The following LOXL1 variants were observed in gnomAD, a reference collection of about 807,000 sequenced individuals.
LOXL1 encodes lysyl oxidase homolog 1.
A neutral mutation model predicts 62.2 loss-of-function variants in LOXL1; 31 were observed. That is an observed-to-expected ratio of 0.50 (90% confidence interval 0.37 to 0.67). The LOEUF is 0.67. Among genes scored for constraint, LOXL1 ranks in the 30% least tolerant of loss-of-function variants. The pLI is 0.00. For synonymous variants in LOXL1, 403 were observed against 384.4 expected, an observed-to-expected ratio of 1.05 and a Z score of -0.56; for missense variants, 775 against 843.4, an observed-to-expected ratio of 0.92 and a Z score of 1.00.
chr15:73,929,298 T>A (rs1550439), intron 1 of LOXL1, among the ~76,000 whole-genome samples: 12,914 of 152,272 alleles, frequency 0.085, 1,009 homozygotes, highest in East Asian at 0.24. Flanking sequence ...GAGGTTGCTG[T>A]GCCTGGCCCA....
At chr15:73,941,460 C>T (rs1383375835) in intron 1 of LOXL1, among the ~76,000 whole-genome samples, 1 of 152,210 alleles carries the variant, frequency 6.6e-6, no homozygotes, top group Non-Finnish European at 1.5e-5. Flanking sequence ...CCTCCTTGGC[C>T]TCATCTTCCA....
intron 1 of LOXL1, among the ~76,000 whole-genome samples, chr15:73,937,305 A>G (rs1269055415): frequency 6.6e-6 from 1 of 152,228 alleles, no homozygotes; most frequent in Non-Finnish European, 1.5e-5. Flanking sequence ...CAGAGCCAGG[A>G]TATAGAACAT....
rs1458940231 is a variant in LOXL1 at position 73,927,071 on chromosome 15, G to A, written c.288G>A (p.Gln96=). The change falls in exon 1 of 7, where the codon CAG becomes CAA. Residue 96 remains glutamine, a synonymous_variant. Transcript: ENST00000261921. ...GCCACGGGAGCCCCCGGCGTCGGCA[G>A]GCGCCGTCCCTGCCCCTGCCGGGGC... ...RRSHGSPRRR[Q]APSLPLPGRV... is the part of the protein sequence containing the mutation. 4 of 1,314,588 alleles carry A rather than the reference G, an allele frequency of 3.0e-6. No homozygotes were observed. The highest frequency in any genetic ancestry group is 1.5e-5 in the African/African-American group (1 of 64,828). 81.4% of individuals were successfully genotyped at this position (1,314,588 alleles called of 1,614,324 possible). A position where few individuals can be genotyped will look rare whatever the true frequency, so the allele number is the denominator to read the frequency against.
chr15:73,949,417 C>T (rs774930599), intron 5 of LOXL1, 42 bp from the exon 6 acceptor site: 4 of 1,198,338 alleles, frequency 3.3e-6, no homozygotes, highest in Non-Finnish European at 5.0e-6. Context: ...GTGCAGCCCC[C>T]CTGACTAGAC....
intron 1 of LOXL1, among the ~76,000 whole-genome samples, chr15:73,937,183 A>G (rs893819): frequency 0.39 from 60,026 of 152,084 alleles, 12,428 homozygotes; most frequent in East Asian, 0.79. Context: ...CAGACCCAGC[A>G]TTGAGCAGGA....
chr15:73,928,789 T>C (rs371401576), intron 1 of LOXL1, among the ~76,000 whole-genome samples: 5 of 152,184 alleles, frequency 3.3e-5, no homozygotes, highest in South Asian at 4.1e-4. Flanking sequence ...TTAATTTTTA[T>C]TTTAAAAACT....
At position 73,951,904 on chromosome 15, in the gene LOXL1, C is replaced by T. The variant is rs2068790475; in HGVS notation, c.*67C>T. ...CAGGCCCTGCTCCCCGGGCAGCCTC[C>T]CGCCGAGGGGCCCAGCCCCCAACCC... is the stretch of plus-strand genomic sequence containing the variant. On this transcript the variant is annotated 3_prime_UTR_variant, in exon 7 of 7. Transcript: ENST00000261921. 3 of 1,395,940 alleles carry T rather than the reference C, an allele frequency of 2.1e-6. No homozygotes were observed. The East Asian group carries it at 8.2e-5, about 38-fold the overall frequency. 86.5% of individuals were successfully genotyped at this position (1,395,940 alleles called of 1,614,324 possible).
intron 3 of LOXL1, 55 bp from the exon 4 acceptor site, chr15:73,947,012 A>G: frequency 6.7e-7 from 1 of 1,498,168 alleles, no homozygotes; most frequent in Non-Finnish European, 9.0e-7. Flanking sequence ...GGACAGGATG[A>G]GAGGCCCAGG....
rs1225674682 is a variant in LOXL1 at position 73,927,094 on chromosome 15, G to A, written c.311G>A (p.Gly104Glu). 7.7e-7 allele frequency: 1 copy of A among 1,300,796 alleles called. No homozygotes were observed. Among genetic ancestry groups the A allele is most frequent in the Non-Finnish European group, 9.8e-7 (1 of 1,020,042 alleles). The allele number at this position is 1,300,796 out of a possible 1,614,324, so 80.6% of individuals were successfully genotyped here. A position where few individuals can be genotyped will look rare whatever the true frequency, so the allele number is the denominator to read the frequency against. ...RRQAPSLPLP[G>E]RVGSDTVRGQ... ...CAGGCGCCGTCCCTGCCCCTGCCGG[G>A]GCGCGTGGGCTCGGACACCGTGCGC... Residue 104 changes from glycine to glutamate, a missense_variant, in exon 1 of 7, where the codon GGG becomes GAG. By Grantham distance (98) the Gly-to-Glu change is moderately conservative (BLOSUM62 -2). Coordinates refer to ENST00000261921, the MANE Select transcript of LOXL1 (RefSeq NM_005576.4).
At chr15:73,943,753 T>C (rs1232903496) in intron 2 of LOXL1, among the ~76,000 whole-genome samples, 1 of 152,254 alleles carries the variant, frequency 6.6e-6, no homozygotes, top group African/African-American at 2.4e-5. Flanking sequence ...CCCTTTATGT[T>C]GAAAGCACCT....
chr15:73,930,877 A>G lies in LOXL1; in HGVS notation c.1102+2992A>G, dbSNP rs1297736077. 1.3e-5 allele frequency among the ~76,000 whole-genome samples: 2 copies of G among 152,186 alleles called. No homozygotes were observed. Among genetic ancestry groups the G allele is most frequent in the African/African-American group, 4.8e-5 (2 of 41,450 alleles). On this transcript the variant is annotated intron_variant, in intron 1 of 6. Transcript: ENST00000261921. The surrounding 1 kb of genome is among the most constrained non-coding windows in gnomAD (Gnocchi z 4.7). ...AACAGAGGCCCAGAGAGGGTCACAT[A>G]CTTTGCCTGGCTCTCATAGCAAATC...
intron 1 of LOXL1, among the ~76,000 whole-genome samples, chr15:73,940,117 G>C (rs570658916): frequency 6.6e-6 from 1 of 152,322 alleles, no homozygotes; most frequent in East Asian, 1.9e-4. Flanking sequence ...ACACAGGTTA[G>C]TATGGTGAAA....
chr15:73,930,646 C>T lies in LOXL1; in HGVS notation c.1102+2761C>T, dbSNP rs1078967. On this transcript the variant is annotated intron_variant, in intron 1 of 6. Transcript: ENST00000261921. This position sits in a 1 kb window ranked among gnomAD's most constrained non-coding sequence, Gnocchi z 4.7. ...GCCTGTGAGTGTGTGTGGGCGTGGA[C>T]GTGTCCTCACAACACCAAGCACATG... Among the ~76,000 whole-genome samples, 33,823 of 151,962 alleles carry T rather than the reference C, an allele frequency of 0.22. 4,536 individuals are homozygous for T. The highest frequency in any genetic ancestry group is 0.38 in the African/African-American group (15,823 of 41,428).
chr15:73,943,444 T>C (rs2068728371), intron 2 of LOXL1, among the ~76,000 whole-genome samples: 2 of 152,116 alleles, frequency 1.3e-5, no homozygotes, highest in Admixed American at 6.5e-5. Context: ...CAGAGGACAG[T>C]TGTGGCTTTG....
Position 73,927,114 on chromosome 15 carries a change from G to A in LOXL1, c.331G>A (p.Val111Met), listed in dbSNP as rs573507169. Residue 111 changes from valine to methionine, a missense_variant, in exon 1 of 7, where the codon GTG (valine) becomes ATG (methionine). Coordinates refer to ENST00000261921, the MANE Select transcript of LOXL1 (RefSeq NM_005576.4). ...GCCGGGGCGCGTGGGCTCGGACACCGTGCGCGGCCAGGCGCGGCACCCATT... is the reference window on the plus strand; with the variant it reads ...GCCGGGGCGCGTGGGCTCGGACACCATGCGCGGCCAGGCGCGGCACCCATT... ...PLPGRVGSDTVRGQARHPFGF... is the reference protein window; with the variant it reads ...PLPGRVGSDTMRGQARHPFGF... The A allele has an allele frequency of 2.6e-5, 35 of 1,358,598 alleles. No individual in the cohort carries two copies. The South Asian group carries it at 5.3e-4, about 20-fold the overall frequency. 84.2% of individuals were successfully genotyped at this position (1,358,598 alleles called of 1,614,324 possible).
rs559937982 is a variant in LOXL1, at chr15:73,936,624, G to A, written c.1103-6230G>A. 1.2e-3 allele frequency among the ~76,000 whole-genome samples: 190 copies of A among 152,326 alleles called. 1 individual carries two copies. Among genetic ancestry groups the A allele is most frequent in the African/African-American group, 4.5e-3 (186 of 41,570 alleles). ...TCCATCATTTGCCCCTCATGAGGAG[G>A]AGGCTTGGAGAGGAAAGATTCCAGA... is the stretch of plus-strand genomic sequence containing the variant. On this transcript the variant is annotated intron_variant, in intron 1 of 6. Transcript: ENST00000261921.
At chr15:73,932,225 G>A (rs980364706) in intron 1 of LOXL1, among the ~76,000 whole-genome samples, 2 of 152,172 alleles carry the variant, frequency 1.3e-5, no homozygotes, top group African/African-American at 4.8e-5. Flanking sequence ...GCTTGCATTT[G>A]CTGAGTGCGT....
chr15:73,933,858 T>G (rs1427785381), intron 1 of LOXL1, among the ~76,000 whole-genome samples: 1 of 152,248 alleles, frequency 6.6e-6, no homozygotes, highest in Non-Finnish European at 1.5e-5. Flanking sequence ...AGGTTTAGAC[T>G]TGCCCCTCCC....
intron 1 of LOXL1, among the ~76,000 whole-genome samples, chr15:73,939,053 T>C (rs1041701960): frequency 3.9e-5 from 6 of 152,098 alleles, no homozygotes; most frequent in Admixed American, 6.5e-5. Flanking sequence ...TGTTGTACCC[T>C]ACAAGCCAAA....
Sources: allele counts gnomAD v4.1 joint callset (sites outside exome capture counted in the v4.1 genomes callset), GRCh38; gene constraint gnomAD v4.1.1; non-coding constraint Gnocchi (gnomAD v3.1); transcripts MANE v1.5; gene names NCBI Gene and HGNC (gene_info 2026-07-23, HGNC 2026-07-21).